Variants in DDX19A observed in about 807,000 individuals in gnomAD.
DDX19A encodes the protein DEAD-box helicase 19A.
In DDX19A, 12 loss-of-function variants were observed where a neutral mutation model predicts 60.6. The observed-to-expected ratio is 0.20, with a 90% CI of 0.13 to 0.32. The LOEUF (loss-of-function observed/expected upper bound fraction) is 0.32, where lower values mean the gene tolerates loss of function less well. Ranked by LOEUF, DDX19A falls within the 10% of genes least tolerant of loss-of-function variation. The pLI, the probability that DDX19A is intolerant of heterozygous loss-of-function variation, is 1.00. For missense variants in DDX19A, 337 were observed against 600.6 expected, an observed-to-expected ratio of 0.56 and a Z score of 4.59; for synonymous variants, 206 against 218.2, an observed-to-expected ratio of 0.94 and a Z score of 0.49.
At chr16:70,354,847 G>A (rs904548338) in intron 2 of DDX19A, among the ~76,000 whole-genome samples, 15 of 152,178 alleles carry the variant, frequency 9.9e-5, no homozygotes, top group Admixed American at 5.2e-4. Context: ...TACTCAGGAG[G>A]TTAAGGCAGG....
intron 4 of DDX19A, chr16:70,360,917 T>C (rs1259742508): frequency 6.2e-6 from 1 of 162,560 alleles, no homozygotes; most frequent in Non-Finnish European, 1.3e-5. Flanking sequence ...ATTTTTTGTA[T>C]TTTTTTGTAG....
intron 2 of DDX19A, among the ~76,000 whole-genome samples, chr16:70,352,473 C>T (rs1016742263): frequency 2.0e-5 from 3 of 151,400 alleles, no homozygotes; most frequent in Admixed American, 1.3e-4. Context: ...TTAGTGGAGA[C>T]GGGGTTTCAC....
intron 1 of DDX19A, chr16:70,347,979 C>G: frequency 2.2e-6 from 1 of 449,924 alleles, no homozygotes; most frequent in Non-Finnish European, 4.5e-6. Flanking sequence ...CGTGAGTCAC[C>G]GCGCCCAGCC....
At chr16:70,370,590 C>A in intron 10 of DDX19A, 2 of 780,254 alleles carry the variant, frequency 2.6e-6, no homozygotes, top group Non-Finnish European at 3.7e-6. Context: ...CTCATGCCTG[C>A]AATCCCAAGG....
At chr16:70,348,033 G>A in intron 1 of DDX19A, 1 of 440,860 alleles carries the variant, frequency 2.3e-6, no homozygotes, top group Admixed American at 2.6e-5. Flanking sequence ...ATTAGACAAG[G>A]CTGGCAAGGA....
intron 5 of DDX19A, among the ~76,000 whole-genome samples, chr16:70,362,025 A>T (rs1002652160): frequency 7.2e-5 from 11 of 152,016 alleles, no homozygotes; most frequent in East Asian, 1.9e-4. Context: ...AAAAAAAAAA[A>T]ATATCCAGGC....
chr16:70,369,788 T>C (rs923939921), intron 9 of DDX19A, among the ~76,000 whole-genome samples: 3 of 151,696 alleles, frequency 2.0e-5, no homozygotes, highest in African/African-American at 7.3e-5. Context: ...CTAGCTAAAT[T>C]TTTTGTAGAG....
chr16:70,368,983 C>T (rs1230565116), intron 9 of DDX19A, among the ~76,000 whole-genome samples: 1 of 151,758 alleles, frequency 6.6e-6, no homozygotes, highest in East Asian at 1.9e-4. Flanking sequence ...TCTCCTGCCT[C>T]AGCCTTCCCG....
At chr16:70,367,928 C>T (rs907036371) in intron 9 of DDX19A, among the ~76,000 whole-genome samples, 3 of 151,478 alleles carry the variant, frequency 2.0e-5, no homozygotes, top group African/African-American at 7.3e-5. Flanking sequence ...GTAATCCCAA[C>T]ACCTTTGGAG....
chr16:70,350,640 T>TC, intron 2 of DDX19A, 35 bp downstream of exon 2: 1 of 1,535,406 alleles, frequency 6.5e-7, no homozygotes, highest in Non-Finnish European at 9.0e-7. Flanking sequence ...AGAAAAGAGT[T>TC]CCATGTGGGC....
At chr16:70,356,345 AT>A in intron 4 of DDX19A, 98 bp downstream of exon 4, 1 of 1,541,718 alleles carries the variant, frequency 6.5e-7, no homozygotes, top group Non-Finnish European at 8.8e-7. Context: ...ACTTTTAAAA[AT>A]TTAGTGTATT....
intron 1 of DDX19A, among the ~76,000 whole-genome samples, chr16:70,349,204 C>T (rs1274355460): frequency 6.6e-6 from 1 of 152,154 alleles, no homozygotes; most frequent in Non-Finnish European, 1.5e-5. Flanking sequence ...CAAGTTATCT[C>T]CCAATGGAGT....
chr16:70,356,363 T>A, intron 4 of DDX19A, 116 bp downstream of exon 4: 1 of 1,214,034 alleles, frequency 8.2e-7, no homozygotes, highest in Non-Finnish European at 1.1e-6. Context: ...TATTTTTTCC[T>A]TTTTTTTTTC....
At chr16:70,370,546 G>C (rs1008853593) in intron 10 of DDX19A, 161 bp downstream of exon 10, 3 of 1,233,278 alleles carry the variant, frequency 2.4e-6, no homozygotes, top group Non-Finnish European at 2.2e-6. Flanking sequence ...ATTTCCCTGA[G>C]GTGGTAAGAA....
intron 3 of DDX19A, 64 bp downstream of exon 3, chr16:70,355,599 A>G: frequency 7.8e-7 from 1 of 1,277,558 alleles, no homozygotes; most frequent in Non-Finnish European, 1.1e-6. Context: ...TCCTGGAGCC[A>G]GGGGCACTCC....
chr16:70,347,380 A>G (rs1963866179), intron 1 of DDX19A: 1 of 386,910 alleles, frequency 2.6e-6, no homozygotes, highest in African/African-American at 2.0e-5. Context: ...TGTTCTTCGC[A>G]TGTTTCTGTA....
At chr16:70,363,110 C>A (rs1964417201) in intron 5 of DDX19A, among the ~76,000 whole-genome samples, 1 of 151,836 alleles carries the variant, frequency 6.6e-6, no homozygotes, top group Non-Finnish European at 1.5e-5. Flanking sequence ...CCTCAGCCTC[C>A]CAAAGTGTTG....
chr16:70,347,068 G>C lies in DDX19A; in HGVS notation c.57+20G>C. The C allele has an allele frequency of 6.2e-7, 1 of 1,607,446 alleles. No homozygotes were observed. Among genetic ancestry groups the C allele is most frequent in the Non-Finnish European group, 8.5e-7 (1 of 1,178,012 alleles). On this transcript the variant is annotated intron_variant, in intron 1 of 11. Coordinates refer to ENST00000302243, the MANE Select transcript of DDX19A (RefSeq NM_018332.5). ...AAGTCGGTCAGTAGCTCAGCTCCTG[G>C]CGAGGAGGACGTAGCAGGGGCCCAA...
Position 70,366,086 on chromosome 16 carries a change from G to A in DDX19A, c.606G>A (p.Leu202=). ...KLAYAVRGNK[L]ERGQKISEQI... ...TGAAAATCACCTGGGTCTCCACAGT[G>A]GAAAGAGGCCAGAAGATCAGTGAGC... Residue 202 remains leucine (L), a splice_region_variant and synonymous_variant, in exon 8 of 12, where the codon TTG becomes TTA. Coordinates refer to ENST00000302243, the MANE Select transcript of DDX19A (RefSeq NM_018332.5). 6.2e-7 allele frequency: 1 copy of A among 1,614,202 alleles called. No homozygotes were observed. The highest frequency in any genetic ancestry group is 8.5e-7 in the Non-Finnish European group (1 of 1,180,038).
Sources: gnomAD v4.1 joint callset for allele counts (sites outside exome capture counted in the v4.1 genomes callset) on GRCh38, gnomAD v4.1.1 for gene constraint, MANE v1.5 for transcripts, NCBI Gene and HGNC (gene_info 2026-07-23, HGNC 2026-07-21) for gene names.